The following SORCS2 variants were observed in gnomAD, a reference collection of about 807,000 sequenced individuals.
The protein encoded by SORCS2 is VPS10 domain-containing receptor SorCS2.
In SORCS2, 100 loss-of-function variants were observed where a neutral mutation model predicts 141.6. That is an observed-to-expected ratio of 0.71 (90% confidence interval 0.60 to 0.83). The LOEUF (loss-of-function observed/expected upper bound fraction) is 0.83, where lower values mean the gene tolerates loss of function less well. SORCS2 is among the 40% of genes least tolerant of loss of function. The pLI is 0.00. For synonymous variants in SORCS2, 789 were observed against 676.9 expected, an observed-to-expected ratio of 1.17 and a Z score of -2.57; for missense variants, 1,646 against 1,560.2, an observed-to-expected ratio of 1.05 and a Z score of -0.93.
intron 2 of SORCS2, among the ~76,000 whole-genome samples, chr4:7,461,662 C>T (rs1005686443): frequency 6.6e-6 from 1 of 152,082 alleles, no homozygotes; most frequent in Non-Finnish European, 1.5e-5. Context: ...CAGAGAAAAC[C>T]CAGCGAGGAG....
rs549949022 is a variant in SORCS2 at position 7,257,924 on chromosome 4, C to T, written c.480+64798C>T. 2.6e-5 allele frequency among the ~76,000 whole-genome samples: 4 copies of T among 152,282 alleles called. No homozygotes were observed. In the South Asian group the frequency reaches 8.3e-4, roughly 32 times the overall value. On this transcript the variant is annotated intron_variant, in intron 1 of 26. Transcript: ENST00000507866. The stretch of plus-strand genomic sequence containing the variant: ...GTTCCTGCAACTTTCTCTTTGAGGT[C>T]TGGGGTTGCTGTGTTTGCTGCTTTC...
intron 4 of SORCS2, among the ~76,000 whole-genome samples, chr4:7,642,809 A>G (rs1720831867): frequency 6.6e-6 from 1 of 152,144 alleles, no homozygotes; most frequent in Non-Finnish European, 1.5e-5. Context: ...GCGTCCCCAT[A>G]CGACTCTTAT....
At chr4:7,606,402 A>G (rs1718066440) in intron 3 of SORCS2, among the ~76,000 whole-genome samples, 1 of 152,044 alleles carries the variant, frequency 6.6e-6, no homozygotes, top group Non-Finnish European at 1.5e-5. Flanking sequence ...CTTTGATTCC[A>G]CTGTTGAAAC....
intron 1 of SORCS2, among the ~76,000 whole-genome samples, chr4:7,229,674 G>A (rs187735455): frequency 1.6e-4 from 24 of 152,382 alleles, no homozygotes; most frequent in African/African-American, 5.0e-4. Context: ...TGTCACGGTC[G>A]TGGGTGTTCC....
At chr4:7,649,939 G>A (rs1721324423) in intron 4 of SORCS2, among the ~76,000 whole-genome samples, 1 of 152,168 alleles carries the variant, frequency 6.6e-6, no homozygotes, top group Non-Finnish European at 1.5e-5. Flanking sequence ...GTCAGTTGTG[G>A]CGGCCCTCAG....
chr4:7,529,658 G>T (rs1423493227), intron 2 of SORCS2, among the ~76,000 whole-genome samples: 1 of 152,186 alleles, frequency 6.6e-6, no homozygotes, highest in East Asian at 1.9e-4. Flanking sequence ...GAAGGAAGGG[G>T]AGGCTTCCCC....
intron 3 of SORCS2, among the ~76,000 whole-genome samples, chr4:7,605,893 G>A (rs1390396182): frequency 6.6e-6 from 1 of 152,166 alleles, no homozygotes; most frequent in South Asian, 2.1e-4. Flanking sequence ...ACCCTCCAAA[G>A]CCCACAGACA....
chr4:7,442,789 A>G (rs1727760653), intron 2 of SORCS2, among the ~76,000 whole-genome samples: 1 of 151,650 alleles, frequency 6.6e-6, no homozygotes, highest in Admixed American at 6.6e-5. Context: ...AACAGTATGG[A>G]GGTTCCTCAG....
intron 1 of SORCS2, among the ~76,000 whole-genome samples, chr4:7,304,229 A>T (rs1223797402): frequency 6.6e-6 from 1 of 152,212 alleles, no homozygotes; most frequent in East Asian, 1.9e-4. Flanking sequence ...AGACAGACAC[A>T]AACCCAGAGA....
rs557534787 is a variant in SORCS2 at position 7,513,953 on chromosome 4, G to T, written c.549-17577G>T. Among the ~76,000 whole-genome samples, 257 of 152,304 alleles carry T rather than the reference G, an allele frequency of 1.7e-3. 1 individual carries two copies. Among genetic ancestry groups the T allele is most frequent in the Non-Finnish European group, 3.1e-3 (212 of 68,034 alleles). ...GTGGTCGTGCAGAGACTGAATCAGG[G>T]CTGTGGAATGTGGGTGGCTTTCCCC... On this transcript the variant is annotated intron_variant, in intron 2 of 26. Transcript: ENST00000507866.
chr4:7,635,144 G>A (rs1032000477), intron 3 of SORCS2, among the ~76,000 whole-genome samples: 2 of 152,222 alleles, frequency 1.3e-5, no homozygotes, highest in Admixed American at 1.3e-4. Context: ...AATGTAAAGT[G>A]TTAATAACTG....
intron 8 of SORCS2, among the ~76,000 whole-genome samples, chr4:7,670,724 G>A (rs988458180): frequency 5.3e-5 from 8 of 152,210 alleles, no homozygotes; most frequent in African/African-American, 1.9e-4. Context: ...CTCTTAGCCT[G>A]GTAGAGGCTT....
chr4:7,387,517 A>G lies in SORCS2; in HGVS notation c.481-8771A>G, dbSNP rs767073586. Reference sequence around the variant, plus strand: ...CATGCACACAAATACAGGTACACAGAGATACATATGCACACATGCACACAC... The same window carrying G: ...CATGCACACAAATACAGGTACACAGGGATACATATGCACACATGCACACAC... On this transcript the variant is annotated intron_variant, in intron 1 of 26. Coordinates refer to ENST00000507866, the MANE Select transcript of SORCS2 (RefSeq NM_020777.3). Among the ~76,000 whole-genome samples, 112 of 151,172 alleles carry G rather than the reference A, an allele frequency of 7.4e-4. 1 individual carries two copies. Among genetic ancestry groups the G allele is most frequent in the Admixed American group, 5.6e-3 (85 of 15,146 alleles).
chr4:7,531,300 T>G (rs750396040), intron 2 of SORCS2, among the ~76,000 whole-genome samples: 1 of 152,220 alleles, frequency 6.6e-6, no homozygotes, highest in Non-Finnish European at 1.5e-5. Flanking sequence ...ATCCTAGCTC[T>G]GGACCTAAGC....
At chr4:7,316,060 T>A (rs906586260) in intron 1 of SORCS2, among the ~76,000 whole-genome samples, 5 of 151,168 alleles carry the variant, frequency 3.3e-5, no homozygotes, top group African/African-American at 1.2e-4. Context: ...CTTTCCTTCC[T>A]TCCATCCATC....
chr4:7,555,161 A>G (rs1426762059), intron 3 of SORCS2, among the ~76,000 whole-genome samples: 2 of 152,200 alleles, frequency 1.3e-5, no homozygotes, highest in Admixed American at 6.5e-5. Flanking sequence ...CACTCCCTCT[A>G]TGTGAAAGTG....
intron 2 of SORCS2, among the ~76,000 whole-genome samples, chr4:7,459,073 C>A (rs532084301): frequency 6.6e-6 from 1 of 151,074 alleles, no homozygotes; most frequent in Non-Finnish European, 1.5e-5. Context: ...GATATTGCTC[C>A]CCTGGGCTGG....
intron 4 of SORCS2, among the ~76,000 whole-genome samples, chr4:7,641,331 G>A (rs892628120): frequency 1.3e-5 from 2 of 152,178 alleles, no homozygotes; most frequent in African/African-American, 4.8e-5. Flanking sequence ...ATCTTCACAA[G>A]GCATCAGGAG....
chr4:7,451,118 G>T (rs1728432331), intron 2 of SORCS2, among the ~76,000 whole-genome samples: 3 of 152,244 alleles, frequency 2.0e-5, no homozygotes. Context: ...GTGAGTGAAT[G>T]AACGAATGAG....
Sources: gnomAD v4.1 joint callset for allele counts (sites outside exome capture counted in the v4.1 genomes callset) on GRCh38, gnomAD v4.1.1 for gene constraint, MANE v1.5 for transcripts, NCBI Gene and HGNC (gene_info 2026-07-23, HGNC 2026-07-21) for gene names.